The following GPD2 variants were observed in gnomAD, a reference collection of about 807,000 sequenced individuals.
GPD2 encodes glycerol-3-phosphate dehydrogenase 2.
In GPD2, 54 loss-of-function variants were observed where a neutral mutation model predicts 82.4. That is an observed-to-expected ratio of 0.66 (90% confidence interval 0.53 to 0.82). GPD2 has a LOEUF of 0.82. Among genes scored for constraint, GPD2 ranks in the 40% least tolerant of loss-of-function variants. The probability of loss-of-function intolerance (pLI) is 0.00; values close to 1 mark genes in which losing one functional copy is unlikely to be tolerated. For synonymous variants in GPD2, 288 were observed against 306.1 expected (o/e 0.94, Z 0.62); for missense variants, 748 against 896.2 (o/e 0.83, Z 2.11).
At chr2:156,417,341 C>T in the GPD2 span, among the ~76,000 whole-genome samples, 1 of 152,066 alleles carries the variant, frequency 6.6e-6, no homozygotes, top group Non-Finnish European at 1.5e-5. Context: ...TGAAATGTTA[C>T]CAAATTTTAT....
At chr2:156,533,589 T>TTCCTG (rs1282024238) in intron 6 of GPD2, among the ~76,000 whole-genome samples, 1 of 152,206 alleles carries the variant, frequency 6.6e-6, no homozygotes, top group African/African-American at 2.4e-5. Flanking sequence ...AAGAGAAAAC[T>TTCCTG]TCCTGTCAAC....
At chr2:156,410,823 T>A in the GPD2 span, among the ~76,000 whole-genome samples, 1 of 152,222 alleles carries the variant, frequency 6.6e-6, no homozygotes, top group South Asian at 2.1e-4. Flanking sequence ...ATACTGCTAT[T>A]AGTTACTTGG....
At chr2:156,453,271 G>T (rs932832023) in intron 1 of GPD2, among the ~76,000 whole-genome samples, 20 of 152,134 alleles carry the variant, frequency 1.3e-4, no homozygotes, top group African/African-American at 4.8e-4. Context: ...AGGGTGCTTG[G>T]AAGGGAGAAA....
At chr2:156,407,870 T>C in the GPD2 span, among the ~76,000 whole-genome samples, 2 of 152,136 alleles carry the variant, frequency 1.3e-5, no homozygotes, top group African/African-American at 4.8e-5. Context: ...ATTGCATTTA[T>C]TATATTACTC....
At chr2:156,443,911 C>T (rs532553171) in intron 1 of GPD2, among the ~76,000 whole-genome samples, 6 of 152,310 alleles carry the variant, frequency 3.9e-5, no homozygotes, top group Middle Eastern at 3.4e-3. Context: ...TTATCAAAGG[C>T]GTTGGATTCT....
At chr2:156,449,543 T>A (rs1682479379) in intron 1 of GPD2, among the ~76,000 whole-genome samples, 1 of 152,182 alleles carries the variant, frequency 6.6e-6, no homozygotes, top group South Asian at 2.1e-4. Context: ...TGCAATATTT[T>A]TTCACCTGCC....
At chr2:156,452,038 C>T (rs1198698571) in intron 1 of GPD2, among the ~76,000 whole-genome samples, 2 of 151,810 alleles carry the variant, frequency 1.3e-5, no homozygotes, top group Admixed American at 6.6e-5. Context: ...GATGGGATGG[C>T]GGCCGGGCAG....
chr2:156,451,633 T>A (rs1458714490), intron 1 of GPD2, among the ~76,000 whole-genome samples: 1 of 114,888 alleles, frequency 8.7e-6, no homozygotes, highest in African/African-American at 3.3e-5. Flanking sequence ...CACTTCCCAG[T>A]AGGGGCGGCT....
the GPD2 span, among the ~76,000 whole-genome samples, chr2:156,415,143 C>G: frequency 6.7e-6 from 1 of 150,164 alleles, no homozygotes; most frequent in African/African-American, 2.4e-5. Flanking sequence ...TCCCCCAAGT[C>G]CATTGTATCA....
chr2:156,400,942 C>T, the GPD2 span, among the ~76,000 whole-genome samples: 2 of 152,064 alleles, frequency 1.3e-5, no homozygotes, highest in Non-Finnish European at 2.9e-5. Context: ...CTAGGCCGCC[C>T]AAAAACAATA....
Position 156,496,227 on chromosome 2 carries a change from T to A in GPD2, c.274+12T>A. 1 of 1,586,618 alleles carries A rather than the reference T, an allele frequency of 6.3e-7. No individual in the cohort carries two copies. Among genetic ancestry groups the A allele is most frequent in the Non-Finnish European group, 8.6e-7 (1 of 1,156,914 alleles). On this transcript the variant is annotated intron_variant, in intron 3 of 16. Coordinates refer to ENST00000438166, the MANE Select transcript of GPD2 (RefSeq NM_000408.5). ...TGCTGTCACCAGAGGTAAGTCTTTT[T>A]TTTTTTTATTTTAATTTTAAGTTCT...
At chr2:156,475,526 G>A (rs556034603) in intron 1 of GPD2, among the ~76,000 whole-genome samples, 2 of 152,202 alleles carry the variant, frequency 1.3e-5, no homozygotes, top group Admixed American at 6.5e-5. Flanking sequence ...GAGCCACCAC[G>A]CCCAGCCGAC....
intron 6 of GPD2, among the ~76,000 whole-genome samples, chr2:156,523,248 C>T (rs139027378): frequency 0.012 from 1,863 of 152,182 alleles, 42 homozygotes; most frequent in African/African-American, 0.043. Flanking sequence ...GCCTAGTCAT[C>T]CTTCCCCCTC....
chr2:156,401,150 A>G, the GPD2 span, among the ~76,000 whole-genome samples: 4 of 152,182 alleles, frequency 2.6e-5, no homozygotes, highest in South Asian at 2.1e-4. Flanking sequence ...CAAAACTTGC[A>G]TTGGCCGGGA....
chr2:156,417,322 A>G, the GPD2 span, among the ~76,000 whole-genome samples: 1 of 152,210 alleles, frequency 6.6e-6, no homozygotes, highest in Non-Finnish European at 1.5e-5. Flanking sequence ...ATCAATAAAA[A>G]AGGATCACTG....
the GPD2 span, among the ~76,000 whole-genome samples, chr2:156,400,503 C>A: frequency 6.6e-6 from 1 of 152,246 alleles, no homozygotes. Context: ...GGCACCGGAT[C>A]CCTCCAGGAT....
intron 1 of GPD2, among the ~76,000 whole-genome samples, chr2:156,451,270 G>C (rs1250339733): frequency 6.6e-6 from 1 of 151,126 alleles, no homozygotes; most frequent in Admixed American, 6.6e-5. Context: ...CCTCCCGGAC[G>C]GGGCAGCTGG....
At chr2:156,495,978 A>G (rs1002625732) in intron 2 of GPD2, 66 bp from the exon 3 acceptor site, 4 of 1,167,866 alleles carry the variant, frequency 3.4e-6, no homozygotes. Context: ...TCCTTTTAGT[A>G]TATTGTAAAA....
At chr2:156,582,765 T>C in intron 16 of GPD2, 28 bp from the exon 17 acceptor site, 1 of 1,611,570 alleles carries the variant, frequency 6.2e-7, no homozygotes, top group South Asian at 1.1e-5. Context: ...GCCTGCGTTC[T>C]GAATCTGTTG....
Sources: allele counts gnomAD v4.1 joint callset (sites outside exome capture counted in the v4.1 genomes callset), GRCh38; gene constraint gnomAD v4.1.1; transcripts MANE v1.5; gene names NCBI Gene and HGNC (gene_info 2026-07-23, HGNC 2026-07-21).